The following HTR4 variants were observed in gnomAD, a reference collection of about 807,000 sequenced individuals.
HTR4 encodes 5-hydroxytryptamine receptor 4, also known as 5-hydroxytryptamine (serotonin) receptor 4, G protein-coupled.
A neutral mutation model predicts 36.8 loss-of-function variants in HTR4; 16 were observed. That is an observed-to-expected ratio of 0.43 (90% CI 0.29 to 0.66). The LOEUF is 0.66. HTR4 is among the 30% of genes least tolerant of loss of function. The pLI, the probability that HTR4 is intolerant of heterozygous loss-of-function variation, is 0.13. For missense variants in HTR4, 438 were observed against 490.9 expected, an observed-to-expected ratio of 0.89 and a Z score of 1.02; for synonymous variants, 189 against 185.1, an observed-to-expected ratio of 1.02 and a Z score of -0.17.
rs534013114 is a variant in HTR4, at chr5:148,497,562, A to C, written c.1076+11894T>G. ...TGTCTTATTCCTCACTTTAGTGGGAATGCAGCTAATGTTTTATCATTAGGT... is the reference window on the plus strand; with the variant it reads ...TGTCTTATTCCTCACTTTAGTGGGACTGCAGCTAATGTTTTATCATTAGGT... On this transcript the variant is annotated intron_variant, in intron 6 of 6. Coordinates refer to ENST00000377888, the MANE Select transcript of HTR4 (RefSeq NM_000870.7). Among the ~76,000 whole-genome samples, 150 of 152,346 alleles carry C rather than the reference A, an allele frequency of 9.8e-4. 1 individual carries two copies. Among genetic ancestry groups the C allele is most frequent in the African/African-American group, 3.5e-3 (146 of 41,584 alleles).
intron 5 of HTR4, among the ~76,000 whole-genome samples, chr5:148,464,983 C>T (rs575078761): frequency 1.6e-4 from 25 of 151,822 alleles, no homozygotes; most frequent in South Asian, 1.0e-3. Flanking sequence ...AAAGTTTATG[C>T]ACTGTATTAT....
chr5:148,638,748 T>C (rs374941379), intron 1 of HTR4, among the ~76,000 whole-genome samples: 8 of 152,070 alleles, frequency 5.3e-5, no homozygotes, highest in African/African-American at 1.7e-4. Flanking sequence ...GCAAACTCAT[T>C]CTCTCTACTT....
chr5:148,624,312 T>C (rs1317506739), intron 2 of HTR4, among the ~76,000 whole-genome samples: 2 of 152,300 alleles, frequency 1.3e-5, no homozygotes, highest in East Asian at 3.9e-4. Context: ...CCCTTACTAT[T>C]AGTTGTATAA....
At chr5:148,519,285 G>T (rs930091407) in intron 5 of HTR4, among the ~76,000 whole-genome samples, 1 of 152,136 alleles carries the variant, frequency 6.6e-6, no homozygotes, top group Non-Finnish European at 1.5e-5. Context: ...GAACATAAAT[G>T]AGAAAATTAT....
At chr5:148,570,043 G>A (rs1446555408) in intron 2 of HTR4, among the ~76,000 whole-genome samples, 1 of 152,060 alleles carries the variant, frequency 6.6e-6, no homozygotes, top group African/African-American at 2.4e-5. Context: ...GCACTAGAAG[G>A]ATAATGTACT....
intron 5 of HTR4, among the ~76,000 whole-genome samples, chr5:148,455,855 A>G (rs868743900): frequency 6.6e-6 from 1 of 152,148 alleles, no homozygotes; most frequent in African/African-American, 2.4e-5. Flanking sequence ...TATATTTACT[A>G]TTTGTAATGT....
chr5:148,585,181 C>T (rs936617673), intron 2 of HTR4, among the ~76,000 whole-genome samples: 1 of 152,124 alleles, frequency 6.6e-6, no homozygotes, highest in Non-Finnish European at 1.5e-5. Flanking sequence ...CTTAAAATGG[C>T]ACATTGCAAG....
chr5:148,644,747 C>G (rs548132668), intron 1 of HTR4: 1 of 152,042 alleles, frequency 6.6e-6, no homozygotes, highest in African/African-American at 2.4e-5. Flanking sequence ...TTAGAGCTAT[C>G]CACAGTGGAA....
intron 2 of HTR4, among the ~76,000 whole-genome samples, chr5:148,610,116 T>A (rs189769140): frequency 2.1e-4 from 32 of 152,262 alleles, no homozygotes; most frequent in Non-Finnish European, 3.2e-4. Context: ...TCATCACAAC[T>A]ATCTGAGAAA....
intron 4 of HTR4, among the ~76,000 whole-genome samples, chr5:148,536,517 C>T (rs1758831649): frequency 6.6e-6 from 1 of 151,714 alleles, no homozygotes; most frequent in Non-Finnish European, 1.5e-5. Context: ...TAATGATACC[C>T]ATAGACTTAA....
At chr5:148,603,846 C>A (rs1752023706) in intron 2 of HTR4, among the ~76,000 whole-genome samples, 1 of 151,962 alleles carries the variant, frequency 6.6e-6, no homozygotes, top group African/African-American at 2.4e-5. Context: ...AGTTGACTAA[C>A]AAACCAAAGG....
At chr5:148,589,538 T>C (rs1420404400) in intron 2 of HTR4, among the ~76,000 whole-genome samples, 5 of 152,142 alleles carry the variant, frequency 3.3e-5, no homozygotes, top group Admixed American at 6.5e-5. Flanking sequence ...CATTTTCTGG[T>C]TGGGTTGTTT....
At chr5:148,597,872 A>T (rs1761841417) in intron 2 of HTR4, among the ~76,000 whole-genome samples, 1 of 152,234 alleles carries the variant, frequency 6.6e-6, no homozygotes, top group East Asian at 1.9e-4. Flanking sequence ...TCCTACACTC[A>T]TAACAGTGAC....
chr5:148,545,449 G>A (rs1243193567), intron 4 of HTR4, among the ~76,000 whole-genome samples: 7 of 152,324 alleles, frequency 4.6e-5, no homozygotes, highest in East Asian at 1.9e-4. Flanking sequence ...GCCCTTGTTC[G>A]TAGCCTTGGG....
At chr5:148,477,599 C>G (rs1217312186), downstream of HTR4, among the ~76,000 whole-genome samples, 1 of 152,198 alleles carries the variant, frequency 6.6e-6, no homozygotes, top group Non-Finnish European at 1.5e-5. Flanking sequence ...GCCTGGTTTT[C>G]TGATCCCTGT....
chr5:148,484,439 CAA>C, intron 6 of HTR4: 1 of 1,509,738 alleles, frequency 6.6e-7, no homozygotes, highest in Non-Finnish European at 9.1e-7. Flanking sequence ...CTTACTTACA[CAA>C]GCTATGAGTC....
downstream of HTR4, among the ~76,000 whole-genome samples, chr5:148,477,119 A>C (rs1235717151): frequency 6.6e-6 from 1 of 152,210 alleles, no homozygotes; most frequent in Non-Finnish European, 1.5e-5. Flanking sequence ...TTAGAGCCTA[A>C]TTCCCCAATC....
At chr5:148,574,226 C>G (rs1269950285) in intron 2 of HTR4, among the ~76,000 whole-genome samples, 4 of 151,988 alleles carry the variant, frequency 2.6e-5, no homozygotes, top group African/African-American at 9.7e-5. Context: ...TTATAAAAAC[C>G]AGCACTTGAC....
chr5:148,544,273 CTCTT>C (rs1435436505), intron 4 of HTR4, among the ~76,000 whole-genome samples: 1 of 118,052 alleles, frequency 8.5e-6, no homozygotes, highest in Non-Finnish European at 1.7e-5. Flanking sequence ...CTCTCTCTCT[CTCTT>C]TCTCTCTTTC....
Sources: gnomAD v4.1 joint callset for allele counts (sites outside exome capture counted in the v4.1 genomes callset) on GRCh38, gnomAD v4.1.1 for gene constraint, MANE v1.5 for transcripts, NCBI Gene and HGNC (gene_info 2026-07-23, HGNC 2026-07-21) for gene names.